GFRA1: variants seen among roughly 807,000 people sequenced by gnomAD.
GFRA1 encodes the protein GDNF family receptor alpha 1, also known as GDNF family receptor alpha-1.
In GFRA1, 16 loss-of-function variants were observed where a neutral mutation model predicts 51.6. The ratio of observed to expected loss-of-function variants is 0.31; its 90% CI spans 0.21 to 0.47. The LOEUF is 0.47. Ranked by LOEUF, GFRA1 falls within the 20% of genes least tolerant of loss-of-function variation. The probability of loss-of-function intolerance (pLI) is 1.00; values close to 1 mark genes in which losing one functional copy is unlikely to be tolerated. For synonymous variants in GFRA1, 270 were observed against 241.3 expected (o/e 1.12, Z -1.10); for missense variants, 530 against 594.3 (o/e 0.89, Z 1.13).
At chr10:116,251,965 T>C (rs1014156664) in intron 4 of GFRA1, among the ~76,000 whole-genome samples, 5 of 20,694 alleles carry the variant, frequency 2.4e-4, no homozygotes, top group African/African-American at 4.4e-4. Flanking sequence ...ATAGGCCTCT[T>C]TTTTTTTTTT....
intron 5 of GFRA1, among the ~76,000 whole-genome samples, chr10:116,166,019 G>A (rs1255674078): frequency 6.6e-6 from 1 of 152,072 alleles, no homozygotes; most frequent in Non-Finnish European, 1.5e-5. Context: ...TTTTCATTTA[G>A]CTCCCACTTA....
At chr10:116,146,873 A>C (rs1349451410) in intron 5 of GFRA1, among the ~76,000 whole-genome samples, 1 of 152,224 alleles carries the variant, frequency 6.6e-6, no homozygotes. Context: ...ATTTTTACAA[A>C]AACATATATT....
At chr10:116,184,308 G>A (rs934787790) in intron 5 of GFRA1, among the ~76,000 whole-genome samples, 11 of 152,242 alleles carry the variant, frequency 7.2e-5, no homozygotes, top group African/African-American at 2.7e-4. Flanking sequence ...GGCTGCCCAG[G>A]CCAGTTATCT....
At chr10:116,130,655 G>C (rs1958069140) in intron 5 of GFRA1, among the ~76,000 whole-genome samples, 1 of 151,876 alleles carries the variant, frequency 6.6e-6, no homozygotes, top group Non-Finnish European at 1.5e-5. Flanking sequence ...AATCCAATGG[G>C]GGAAGAGAGT....
rs368286985 is a variant in GFRA1 at position 116,269,523 on chromosome 10, C to T, written c.398G>A (p.Arg133Gln). 19 of 1,602,172 alleles carry T rather than the reference C, an allele frequency of 1.2e-5. No individual in the cohort carries two copies. The highest frequency in any genetic ancestry group is 5.4e-5 in the African/African-American group (4 of 74,678). Reference protein sequence around the residue: ...PVNSRLSDIFRVVPFISDVFQ... With the variant: ...PVNSRLSDIFQVVPFISDVFQ... ...CTTACCTGATATGAATGGGACCACC[C>T]GGAATATATCTGACAATCTGCTGTT... The change falls in exon 4 of 11, where the codon CGG becomes CAG. Residue 133 changes from arginine to glutamine, a missense_variant. Transcript: ENST00000355422.
intron 6 of GFRA1, among the ~76,000 whole-genome samples, chr10:116,114,478 C>T (rs914765212): frequency 6.6e-6 from 1 of 152,232 alleles, no homozygotes; most frequent in African/African-American, 2.4e-5. Context: ...AGCCATGTGG[C>T]ATTTCCACAT....
At chr10:116,090,793 C>A (rs1052537793) in intron 8 of GFRA1, among the ~76,000 whole-genome samples, 23 of 151,972 alleles carry the variant, frequency 1.5e-4, no homozygotes, top group African/African-American at 5.6e-4. Context: ...CCTGAATGTG[C>A]AAATTGTTAA....
At chr10:116,155,240 G>A (rs998737682) in intron 5 of GFRA1, among the ~76,000 whole-genome samples, 53 of 152,242 alleles carry the variant, frequency 3.5e-4, no homozygotes, top group African/African-American at 1.2e-3. Context: ...CAAAGCTGAT[G>A]ACTGGCGGAG....
chr10:116,197,378 G>C (rs919945766), intron 5 of GFRA1, among the ~76,000 whole-genome samples: 1 of 152,066 alleles, frequency 6.6e-6, no homozygotes. Flanking sequence ...CTTGATCTTA[G>C]ACCTCCCAGC....
intron 5 of GFRA1, among the ~76,000 whole-genome samples, chr10:116,198,337 T>C (rs1020588242): frequency 3.9e-5 from 6 of 152,190 alleles, no homozygotes; most frequent in African/African-American, 1.4e-4. Context: ...TTATGAGAAC[T>C]GCACCTGCAA....
intron 9 of GFRA1, among the ~76,000 whole-genome samples, chr10:116,080,769 G>T (rs1015311495): frequency 2.6e-5 from 4 of 152,118 alleles, no homozygotes; most frequent in African/African-American, 9.7e-5. Context: ...CACAGGGTTG[G>T]GACTTGAGCC....
In GFRA1 at chr10:116,125,469, G is replaced by A. The variant is rs1957828327; in HGVS notation, c.522C>T (p.Tyr174=). ...ACACGCTGGTGGTGCACGGGGTGAT[G>A]TACGCCGACCTGTACTTCTTGCAAA... ...DDICKKYRSA[Y]ITPCTTSVSN... Residue 174 remains tyrosine (Y), a synonymous_variant, in exon 6 of 11, where the codon TAC becomes TAT. Coordinates refer to ENST00000355422, the MANE Select transcript of GFRA1 (RefSeq NM_005264.8). The A allele has an allele frequency of 1.2e-6, 2 of 1,613,990 alleles. No homozygotes were observed. Among genetic ancestry groups the A allele is most frequent in the African/African-American group, 1.3e-5 (1 of 74,942 alleles).
chr10:116,072,823 C>G (rs1369415126), intron 9 of GFRA1, among the ~76,000 whole-genome samples: 1 of 152,098 alleles, frequency 6.6e-6, no homozygotes, highest in Non-Finnish European at 1.5e-5. Flanking sequence ...CTAGTCCTAG[C>G]TTTCCAACCA....
intron 6 of GFRA1, among the ~76,000 whole-genome samples, chr10:116,104,400 G>A (rs557346232): frequency 1.8e-4 from 27 of 152,316 alleles, no homozygotes; most frequent in African/African-American, 6.0e-4. Flanking sequence ...TCTTGGCTGC[G>A]AGGGTTCTCC....
chr10:116,134,870 C>T (rs4237493), intron 5 of GFRA1, among the ~76,000 whole-genome samples: 106,325 of 152,054 alleles, frequency 0.7, 38,128 homozygotes, highest in South Asian at 0.81. Context: ...GCTGTGCAAA[C>T]CTTAAAAAAT....
chr10:116,133,708 A>G (rs993008011), intron 5 of GFRA1, among the ~76,000 whole-genome samples: 2 of 152,256 alleles, frequency 1.3e-5, no homozygotes, highest in Non-Finnish European at 2.9e-5. Flanking sequence ...CAGAGGGTCT[A>G]TGCACTTGGA....
At position 116,157,730 on chromosome 10, in the gene GFRA1, G is replaced by A. The variant is rs905387603; in HGVS notation, c.434-32173C>T. Among the ~76,000 whole-genome samples, 7 of 152,170 alleles carry A rather than the reference G, an allele frequency of 4.6e-5. No individual in the cohort carries two copies. The East Asian group carries it at 1.3e-3, about 29-fold the overall frequency. On this transcript the variant is annotated intron_variant, in intron 5 of 10. Transcript: ENST00000355422. Reference sequence around the variant, plus strand: ...GTCACAGTATCTGTTCACATGAATTGAATGTGAAACTGGGAGTTCCTTGCT... The same window carrying A: ...GTCACAGTATCTGTTCACATGAATTAAATGTGAAACTGGGAGTTCCTTGCT...
chr10:116,091,252 G>A (rs962058817), intron 8 of GFRA1, among the ~76,000 whole-genome samples: 1 of 152,196 alleles, frequency 6.6e-6, no homozygotes, highest in African/African-American at 2.4e-5. Flanking sequence ...TATCTACTAA[G>A]TGCCAGGCAC....
intron 4 of GFRA1, chr10:116,255,831 A>T (rs1968795648): frequency 1.0e-6 from 1 of 1,002,862 alleles, no homozygotes; most frequent in African/African-American, 1.7e-5. Context: ...AAAAAACCTG[A>T]GTTACTGCTT....
Sources: allele counts gnomAD v4.1 joint callset (sites outside exome capture counted in the v4.1 genomes callset), GRCh38; gene constraint gnomAD v4.1.1; transcripts MANE v1.5; gene names NCBI Gene and HGNC (gene_info 2026-07-23, HGNC 2026-07-21).